Variants in KCNIP4 observed in about 807,000 individuals in gnomAD.
KCNIP4 encodes potassium voltage-gated channel interacting protein 4, also known as Kv channel-interacting protein 4.
KCNIP4 carries 12 observed loss-of-function variants against 34.0 expected under a neutral mutation model. That is an observed-to-expected ratio of 0.35 (90% CI 0.23 to 0.57). The LOEUF (loss-of-function observed/expected upper bound fraction) is 0.57, where lower values mean the gene tolerates loss of function less well. Among genes scored for constraint, KCNIP4 ranks in the 20% least tolerant of loss-of-function variants. The probability of loss-of-function intolerance (pLI) is 0.83; values close to 1 mark genes in which losing one functional copy is unlikely to be tolerated. For synonymous variants in KCNIP4, 124 were observed against 102.2 expected (o/e 1.21, Z -1.29); for missense variants, 238 against 311.7 (o/e 0.76, Z 1.78).
At chr4:21,010,494 C>T (rs1479449826) in intron 1 of KCNIP4, among the ~76,000 whole-genome samples, 1 of 152,026 alleles carries the variant, frequency 6.6e-6, no homozygotes, top group African/African-American at 2.4e-5. Flanking sequence ...TTCGAACGTC[C>T]GCTGCCAGGA....
At chr4:20,937,220 G>GTTTTTTTTTTTTTTT (rs1157766416) in intron 1 of KCNIP4, among the ~76,000 whole-genome samples, 5 of 105,126 alleles carry the variant, frequency 4.8e-5, no homozygotes, top group Non-Finnish European at 9.7e-5. Context: ...CCCCCAAGGA[G>GTTTTTTTTTTTTTTT]TCTTTTTTTT....
At chr4:21,197,781 C>A (rs996582102) in intron 1 of KCNIP4, among the ~76,000 whole-genome samples, 1 of 152,050 alleles carries the variant, frequency 6.6e-6, no homozygotes, top group African/African-American at 2.4e-5. Context: ...GAAAAATACT[C>A]ATAATAAATA....
At chr4:20,921,135 T>G (rs370833858) in intron 1 of KCNIP4, among the ~76,000 whole-genome samples, 77 of 152,086 alleles carry the variant, frequency 5.1e-4, no homozygotes, top group African/African-American at 1.6e-3. Context: ...AACAAGAAAA[T>G]GTACTGGTGA....
intron 2 of KCNIP4, among the ~76,000 whole-genome samples, chr4:20,876,387 A>G (rs1422710446): frequency 6.6e-6 from 1 of 152,194 alleles, no homozygotes; most frequent in Non-Finnish European, 1.5e-5. Context: ...GAGACTTGAC[A>G]GCATTTATTC....
intron 3 of KCNIP4, among the ~76,000 whole-genome samples, chr4:20,821,880 ATC>A (rs149854781): frequency 4.0e-5 from 6 of 150,098 alleles, no homozygotes; most frequent in East Asian, 2.0e-4. Flanking sequence ...GTATCTATGT[ATC>A]TCTCTCTCTC....
intron 3 of KCNIP4, chr4:20,767,229 C>G (rs905829178): frequency 6.6e-6 from 1 of 152,104 alleles, no homozygotes; most frequent in African/African-American, 2.4e-5. Context: ...ATATGAATTA[C>G]GCTTTCTATT....
At chr4:20,846,573 AAAG>A (rs750763773) in intron 3 of KCNIP4, among the ~76,000 whole-genome samples, 7 of 152,156 alleles carry the variant, frequency 4.6e-5, no homozygotes, top group African/African-American at 7.2e-5. Flanking sequence ...AGATTAAAAA[AAAG>A]AAGAATTCCT....
rs748240446 is a variant in KCNIP4 at position 20,749,764 on chromosome 4, C to T, written c.359-32G>A. On this transcript the variant is annotated intron_variant, in intron 4 of 8. Transcript: ENST00000382152. ...TGGTAAAAAGGGAGTATCATTAAGT[C>T]AGTGTTTCCATATCCTACATAAGAC... 2.1e-6 allele frequency: 3 copies of T among 1,453,904 alleles called. No individual in the cohort carries two copies. The East Asian group carries it at 6.9e-5, about 33-fold the overall frequency. 90.1% of individuals were successfully genotyped at this position (1,453,904 alleles called of 1,614,324 possible). A position where few individuals can be genotyped will look rare whatever the true frequency, so the allele number is the denominator to read the frequency against.
chr4:21,940,230 G>T (rs921093931), intron 1 of KCNIP4, among the ~76,000 whole-genome samples: 3 of 152,068 alleles, frequency 2.0e-5, no homozygotes, highest in Admixed American at 1.3e-4. Flanking sequence ...ATTGGTAGAG[G>T]GTAGGAAGAA....
intron 1 of KCNIP4, among the ~76,000 whole-genome samples, chr4:21,022,476 A>G (rs1379432552): frequency 1.3e-5 from 2 of 152,252 alleles, no homozygotes; most frequent in African/African-American, 4.8e-5. Context: ...TAATACTTCA[A>G]GTATTTTCAA....
chr4:21,287,716 T>G (rs535547032), intron 1 of KCNIP4, among the ~76,000 whole-genome samples: 1 of 152,312 alleles, frequency 6.6e-6, no homozygotes, highest in South Asian at 2.1e-4. Flanking sequence ...CAAGGAATTC[T>G]GGAAGCCTTG....
chr4:21,326,811 G>T (rs890257000), intron 1 of KCNIP4, among the ~76,000 whole-genome samples: 4 of 151,442 alleles, frequency 2.6e-5, no homozygotes, highest in Admixed American at 6.6e-5. Context: ...TGTGTCTGTT[G>T]TAAGTTTTTT....
intron 1 of KCNIP4, among the ~76,000 whole-genome samples, chr4:21,467,244 C>T (rs866769327): frequency 5.9e-5 from 9 of 152,166 alleles, no homozygotes; most frequent in Middle Eastern, 3.4e-3. Context: ...ACATGGTAGG[C>T]ATTGAAGGCA....
intron 1 of KCNIP4, among the ~76,000 whole-genome samples, chr4:21,341,501 A>T (rs1716759870): frequency 6.6e-6 from 1 of 152,186 alleles, no homozygotes; most frequent in Non-Finnish European, 1.5e-5. Context: ...AATAAAAAAT[A>T]ATTTAAGAGA....
At chr4:21,203,484 A>G (rs981407776) in intron 1 of KCNIP4, among the ~76,000 whole-genome samples, 1 of 152,232 alleles carries the variant, frequency 6.6e-6, no homozygotes, top group Non-Finnish European at 1.5e-5. Flanking sequence ...TTTGATTCCA[A>G]CTGAGAACAG....
At chr4:20,765,598 A>T (rs189322898) in intron 3 of KCNIP4, among the ~76,000 whole-genome samples, 3 of 152,290 alleles carry the variant, frequency 2.0e-5, no homozygotes, top group Non-Finnish European at 2.9e-5. Context: ...TAATGGGCTG[A>T]GGAAAATGTT....
rs564312166 is a variant in KCNIP4, at chr4:21,144,253, C to A, written c.62-261544G>T. Among the ~76,000 whole-genome samples, 18 of 152,222 alleles carry A rather than the reference C, an allele frequency of 1.2e-4. No individual in the cohort carries two copies. The East Asian group carries it at 3.3e-3, about 28-fold the overall frequency. On this transcript the variant is annotated intron_variant, in intron 1 of 8. Transcript: ENST00000382152. Reference sequence around the variant, plus strand: ...TGGTACTTTAAATCCTTCTTTGAACCAGTTGTAACATCCATACCATGCTAA... The same window carrying A: ...TGGTACTTTAAATCCTTCTTTGAACAAGTTGTAACATCCATACCATGCTAA...
intron 1 of KCNIP4, among the ~76,000 whole-genome samples, chr4:21,358,324 T>C (rs1718868311): frequency 6.6e-6 from 1 of 151,502 alleles, no homozygotes. Context: ...ATAATAATAA[T>C]AAAAAAAATC....
At chr4:20,970,242 G>A (rs1475214811) in intron 1 of KCNIP4, among the ~76,000 whole-genome samples, 2 of 152,094 alleles carry the variant, frequency 1.3e-5, no homozygotes, top group Non-Finnish European at 2.9e-5. Context: ...CGCCCGGCCA[G>A]CGGTTATTCT....
Sources: allele counts gnomAD v4.1 joint callset (sites outside exome capture counted in the v4.1 genomes callset), GRCh38; gene constraint gnomAD v4.1.1; transcripts MANE v1.5; gene names NCBI Gene and HGNC (gene_info 2026-07-23, HGNC 2026-07-21).